Variants in RAPGEF4 observed in about 807,000 individuals in gnomAD.
RAPGEF4 encodes the protein Rap guanine nucleotide exchange factor 4, also known as RAP guanine-nucleotide-exchange factor (GEF) 4.
A neutral mutation model predicts 147.9 loss-of-function variants in RAPGEF4; 66 were observed. The observed-to-expected ratio is 0.45, with a 90% confidence interval of 0.37 to 0.55. RAPGEF4 has a LOEUF of 0.55. RAPGEF4 is among the 20% of genes least tolerant of loss of function. The pLI, the probability that RAPGEF4 is intolerant of heterozygous loss-of-function variation, is 0.00. For synonymous variants in RAPGEF4, 419 were observed against 442.7 expected, an observed-to-expected ratio of 0.95 and a Z score of 0.67; for missense variants, 1,071 against 1,257.3, an observed-to-expected ratio of 0.85 and a Z score of 2.24.
intron 3 of RAPGEF4, among the ~76,000 whole-genome samples, chr2:172,798,564 T>C (rs1166142047): frequency 6.6e-6 from 1 of 152,088 alleles, no homozygotes; most frequent in Non-Finnish European, 1.5e-5. Flanking sequence ...GAAAGAATTG[T>C]CCAAAAAAAT....
intron 18 of RAPGEF4, 63 bp from the exon 19 acceptor site, chr2:173,016,286 C>G: frequency 1.7e-6 from 2 of 1,191,122 alleles, no homozygotes; most frequent in East Asian, 2.3e-5. Flanking sequence ...CTTTATTGCT[C>G]TTGACAGAAT....
chr2:173,037,868 T>G (rs1684255940), intron 29 of RAPGEF4, among the ~76,000 whole-genome samples: 1 of 152,222 alleles, frequency 6.6e-6, no homozygotes, highest in African/African-American at 2.4e-5. Context: ...AGCCATAAAG[T>G]GCTATAGACT....
Position 172,738,104 on chromosome 2 carries a change from TA to T in RAPGEF4, c.65+2057del, listed in dbSNP as rs562887455. On this transcript the variant is annotated intron_variant, in intron 1 of 30. Coordinates refer to ENST00000397081, the MANE Select transcript of RAPGEF4 (RefSeq NM_007023.4). ...TTTTTACTTAGATTGTTTATTTATT[TA>T]TTTTTTTTAGGAAAGGAGAAAGGTT... Among the ~76,000 whole-genome samples the T allele has an allele frequency of 7.7e-4, 118 of 152,348 alleles. 1 individual carries two copies. Among genetic ancestry groups the T allele is most frequent in the African/African-American group, 2.7e-3 (114 of 41,580 alleles).
At chr2:172,821,963 G>A (rs1289929060) in intron 4 of RAPGEF4, 7 of 1,613,412 alleles carry the variant, frequency 4.3e-6, no homozygotes, top group African/African-American at 1.3e-5. Flanking sequence ...AAAGAAGGAC[G>A]TATGCTCTAC....
intron 27 of RAPGEF4, among the ~76,000 whole-genome samples, chr2:173,035,841 C>T (rs1429691524): frequency 2.0e-5 from 3 of 152,146 alleles, no homozygotes; most frequent in African/African-American, 4.8e-5. Context: ...AGAAAATGTA[C>T]TGACTGTTCA....
At chr2:172,836,013 G>A (rs1690885777) in intron 4 of RAPGEF4, among the ~76,000 whole-genome samples, 1 of 152,086 alleles carries the variant, frequency 6.6e-6, no homozygotes. Flanking sequence ...GGTGATAGTT[G>A]TAATTACTCC....
intron 6 of RAPGEF4, among the ~76,000 whole-genome samples, chr2:172,940,297 AT>A (rs1056716701): frequency 1.2e-3 from 179 of 152,048 alleles, no homozygotes; most frequent in African/African-American, 4.2e-3. Flanking sequence ...TGTGTTGACT[AT>A]TTGATATAGT....
Position 172,854,375 on chromosome 2 carries a change from T to C in RAPGEF4, c.444+39950T>C, listed in dbSNP as rs563959164. Among the ~76,000 whole-genome samples the C allele has an allele frequency of 1.2e-4, 18 of 152,176 alleles. No individual in the cohort carries two copies. In the East Asian group the frequency reaches 1.7e-3, roughly 15 times the overall value. On this transcript the variant is annotated intron_variant, in intron 4 of 30. Transcript: ENST00000397081. ...CTCTATTGCCTTCAAATCTAATTCATAGGATATTAATATAGTTACTGTGGT... is the reference window on the plus strand; with the variant it reads ...CTCTATTGCCTTCAAATCTAATTCACAGGATATTAATATAGTTACTGTGGT...
chr2:172,982,773 A>G (rs1559161738), intron 10 of RAPGEF4, among the ~76,000 whole-genome samples: 1 of 152,208 alleles, frequency 6.6e-6, no homozygotes, highest in Non-Finnish European at 1.5e-5. Context: ...TACTAGTTTT[A>G]TAATAAATTT....
intron 4 of RAPGEF4, among the ~76,000 whole-genome samples, chr2:172,883,687 A>T (rs1349114728): frequency 1.3e-5 from 2 of 152,062 alleles, no homozygotes; most frequent in Non-Finnish European, 2.9e-5. Flanking sequence ...CTCCTAGAAG[A>T]TGTTTTTAGG....
intron 12 of RAPGEF4, among the ~76,000 whole-genome samples, chr2:172,986,683 T>A (rs1480901139): frequency 6.7e-6 from 1 of 150,284 alleles, no homozygotes; most frequent in Non-Finnish European, 1.5e-5. Context: ...TAACATGCCA[T>A]TTTTTTCATA....
At chr2:172,922,222 C>A in intron 5 of RAPGEF4, 59 bp from the exon 6 acceptor site, 1 of 1,541,824 alleles carries the variant, frequency 6.5e-7, no homozygotes, top group Non-Finnish European at 8.9e-7. Flanking sequence ...ATTTCAATTC[C>A]ACTTTACCGG....
chr2:172,965,791 T>C, intron 9 of RAPGEF4, 108 bp downstream of exon 9: 1 of 1,399,554 alleles, frequency 7.1e-7, no homozygotes, highest in Non-Finnish European at 1.0e-6. Flanking sequence ...TACGATCCCT[T>C]TAGGGACCTG....
intron 4 of RAPGEF4, chr2:172,821,614 G>C: frequency 1.0e-6 from 1 of 1,002,810 alleles, no homozygotes; most frequent in Non-Finnish European, 1.2e-6. Context: ...AGCCTGCTTC[G>C]ATGACTTGGA....
intron 4 of RAPGEF4, among the ~76,000 whole-genome samples, chr2:172,841,649 A>C (rs1273182493): frequency 5.3e-5 from 8 of 152,178 alleles, no homozygotes; most frequent in Non-Finnish European, 1.0e-4. Flanking sequence ...AAATACTCCT[A>C]TATTCTCATT....
intron 1 of RAPGEF4, among the ~76,000 whole-genome samples, chr2:172,786,299 C>T (rs777515740): frequency 6.6e-6 from 1 of 152,064 alleles, no homozygotes; most frequent in Non-Finnish European, 1.5e-5. Context: ...TGTTGGTACT[C>T]GTATTACAGT....
intron 6 of RAPGEF4, among the ~76,000 whole-genome samples, chr2:172,930,083 G>C (rs1357383147): frequency 6.6e-6 from 1 of 152,104 alleles, no homozygotes; most frequent in African/African-American, 2.4e-5. Flanking sequence ...AAGAAGAAGG[G>C]AAAGGGTTCA....
intron 6 of RAPGEF4, among the ~76,000 whole-genome samples, chr2:172,939,017 A>T (rs2105316628): frequency 6.6e-6 from 1 of 152,364 alleles, no homozygotes; most frequent in Middle Eastern, 3.4e-3. Context: ...ATCACTGGAT[A>T]GTGTTCCATT....
chr2:172,831,298 TG>T (rs1203016657), intron 4 of RAPGEF4, among the ~76,000 whole-genome samples: 1 of 129,752 alleles, frequency 7.7e-6, no homozygotes, highest in South Asian at 2.7e-4. Flanking sequence ...GACAGAGTTT[TG>T]CTCTTGTTGC....
Sources: allele counts gnomAD v4.1 joint callset (sites outside exome capture counted in the v4.1 genomes callset), GRCh38; gene constraint gnomAD v4.1.1; transcripts MANE v1.5; gene names NCBI Gene and HGNC (gene_info 2026-07-23, HGNC 2026-07-21).